TFRC: variants seen among roughly 807,000 people sequenced by gnomAD.
The protein encoded by TFRC is transferrin receptor.
TFRC carries 35 observed loss-of-function variants against 85.8 expected under a neutral mutation model. That is an observed-to-expected ratio of 0.41 (90% CI 0.31 to 0.54). TFRC has a LOEUF of 0.54. TFRC is among the 20% of genes least tolerant of loss of function. The probability of loss-of-function intolerance (pLI) is 0.31; values close to 1 mark genes in which losing one functional copy is unlikely to be tolerated. For missense variants in TFRC, 828 were observed against 921.5 expected (o/e 0.90, Z 1.31); for synonymous variants, 362 against 328.6 (o/e 1.10, Z -1.10).
chr3:196,067,791 C>T, intron 8 of TFRC, 134 bp from the exon 9 acceptor site: 1 of 1,000,194 alleles, frequency 1.0e-6, no homozygotes, highest in Admixed American at 2.9e-5. Context: ...AGTGGCTCTA[C>T]AATGTGACTC....
intron 13 of TFRC, among the ~76,000 whole-genome samples, chr3:196,062,014 A>G (rs1264236720): frequency 2.0e-5 from 3 of 152,204 alleles, no homozygotes; most frequent in Non-Finnish European, 4.4e-5. Flanking sequence ...CTGTAACCGC[A>G]GCATTTTGGG....
chr3:196,052,291 ACTT>A, intron 18 of TFRC, 107 bp from the exon 19 acceptor site: 71 of 883,324 alleles, frequency 8.0e-5, no homozygotes, highest in Non-Finnish European at 1.0e-4. Flanking sequence ...TGCCGATCAG[ACTT>A]TTTTTTTTTT....
At chr3:196,059,598 TTTTA>T (rs1006401978) in intron 14 of TFRC, among the ~76,000 whole-genome samples, 12 of 148,648 alleles carry the variant, frequency 8.1e-5, no homozygotes, top group Admixed American at 3.3e-4. Context: ...ATATTTTCTT[TTTTA>T]TTTATTTATT....
intron 18 of TFRC, among the ~76,000 whole-genome samples, chr3:196,052,518 G>A (rs1716417255): frequency 6.6e-6 from 1 of 151,958 alleles, no homozygotes; most frequent in Non-Finnish European, 1.5e-5. Flanking sequence ...TCAGCTCACT[G>A]CAACCTCCAC....
chr3:196,071,002 C>A (rs1317636594), intron 6 of TFRC, among the ~76,000 whole-genome samples: 2 of 151,938 alleles, frequency 1.3e-5, no homozygotes, highest in Non-Finnish European at 2.9e-5. Context: ...TAGGCCCCAG[C>A]CAAGATGGAT....
At chr3:196,065,293 C>T in intron 10 of TFRC, 150 bp downstream of exon 10, 1 of 397,390 alleles carries the variant, frequency 2.5e-6, no homozygotes, top group Non-Finnish European at 4.4e-6. Flanking sequence ...AACACATAAA[C>T]AATTAACTTT....
chr3:196,069,612 A>G (rs1304843608), intron 6 of TFRC, 44 bp from the exon 7 acceptor site: 2 of 1,235,032 alleles, frequency 1.6e-6, no homozygotes, highest in Non-Finnish European at 2.4e-6. Flanking sequence ...TGGTATCGGA[A>G]CAGCTCTAAA....
At position 196,071,250 on chromosome 3, in the gene TFRC, T is replaced by C. The variant is rs41301383; in HGVS notation, c.687+146A>G. On this transcript the variant is annotated intron_variant, in intron 6 of 18. Transcript: ENST00000360110. ...ATTAGAGAGAGAAGACAATGCATGTTGACTGTGTCATTAGAGGGTTGAAAA... is the reference window on the plus strand; with the variant it reads ...ATTAGAGAGAGAAGACAATGCATGTCGACTGTGTCATTAGAGGGTTGAAAA... 41 of 626,484 alleles carry C rather than the reference T, an allele frequency of 6.5e-5. 1 individual carries two copies. The Admixed American group carries it at 1.1e-3, about 17-fold the overall frequency. 38.8% of individuals were successfully genotyped at this position (626,484 alleles called of 1,614,324 possible).
intron 8 of TFRC, among the ~76,000 whole-genome samples, 181 bp from the exon 9 acceptor site, chr3:196,067,838 G>A (rs1160770619): frequency 1.3e-5 from 2 of 152,174 alleles, no homozygotes; most frequent in Admixed American, 6.5e-5. Context: ...CAAATTCAAG[G>A]CACTATTGAC....
At chr3:196,056,067 C>G (rs889448186) in intron 16 of TFRC, among the ~76,000 whole-genome samples, 1 of 152,132 alleles carries the variant, frequency 6.6e-6, no homozygotes, top group African/African-American at 2.4e-5. Context: ...GACGAGGTCA[C>G]TCTGTCACCC....
chr3:196,075,567 T>A (rs1718615713), intron 2 of TFRC, among the ~76,000 whole-genome samples: 1 of 138,162 alleles, frequency 7.2e-6, no homozygotes, highest in Non-Finnish European at 1.5e-5. Flanking sequence ...TTTTTGTAAA[T>A]TTTTTTTTTT....
chr3:196,076,972 T>C (rs1015849005), intron 2 of TFRC, 92 bp downstream of exon 2: 3 of 1,169,466 alleles, frequency 2.6e-6, no homozygotes, highest in Non-Finnish European at 1.3e-6. Flanking sequence ...TGATAATAGA[T>C]TGGGGTTATT....
chr3:196,061,496 G>A (rs1717279092), intron 13 of TFRC, among the ~76,000 whole-genome samples: 1 of 151,778 alleles, frequency 6.6e-6, no homozygotes, highest in African/African-American at 2.4e-5. Context: ...CAGTTTTTTT[G>A]TTTGTTTTTT....
At chr3:196,065,702 T>C in intron 9 of TFRC, 102 bp from the exon 10 acceptor site, 2 of 1,333,692 alleles carry the variant, frequency 1.5e-6, no homozygotes, top group Non-Finnish European at 2.0e-6. Context: ...TAAACAAAAC[T>C]TACTCTCAGC....
chr3:196,067,175 T>C (rs1365739470), intron 9 of TFRC, among the ~76,000 whole-genome samples: 5 of 152,256 alleles, frequency 3.3e-5, no homozygotes, highest in African/African-American at 7.2e-5. Context: ...TATCCCAATA[T>C]GAATTCTAAC....
intron 16 of TFRC, among the ~76,000 whole-genome samples, chr3:196,057,219 C>A (rs1248903525): frequency 6.6e-6 from 1 of 152,188 alleles, no homozygotes; most frequent in African/African-American, 2.4e-5. Context: ...GGTTAAAGAT[C>A]GAGCCCTGAC....
Position 196,055,225 on chromosome 3 carries a change from T to C in TFRC, c.1754A>G (p.Lys585Arg). 6.2e-7 allele frequency: 1 copy of C among 1,614,222 alleles called. No individual in the cohort carries two copies. The highest frequency in any genetic ancestry group is 8.5e-7 in the Non-Finnish European group (1 of 1,180,042). ...ELIERIPELN[K>R]VARAAAEVAG... ...GACCTCTGCAGCTGCTCGTGCCACT[T>C]TGTTCAACTCAGGAATCCTCTCAAT... Residue 585 changes from lysine to arginine, a missense_variant, in exon 17 of 19, where the codon AAA (lysine) becomes AGA (arginine). Lys to Arg is a conservative substitution (Grantham distance 26). Transcript: ENST00000360110.
Position 196,065,557 on chromosome 3 carries a change from T to G in TFRC, c.1084A>C (p.Thr362Pro), listed in dbSNP as rs756312991. 2 of 1,612,362 alleles carry G rather than the reference T, an allele frequency of 1.2e-6. No homozygotes were observed. Among genetic ancestry groups the G allele is most frequent in the African/African-American group, 2.7e-5 (2 of 74,808 alleles). The change falls in exon 10 of 19, where the codon ACA becomes CCA. Residue 362 changes from threonine (T) to proline (P), a missense_variant. By Grantham distance (38) the Thr-to-Pro change is conservative (BLOSUM62 -1). Transcript: ENST00000360110. ...CTTTCTGAGGTTACCATCCTACATG[T>G]AGAGTCTGTTTTCCAGTCAGAGGGA... The part of the protein sequence containing the change: ...DCPSDWKTDS[T>P]CRMVTSESKN...
At chr3:196,056,262 C>G (rs906273229) in intron 16 of TFRC, among the ~76,000 whole-genome samples, 1 of 152,206 alleles carries the variant, frequency 6.6e-6, no homozygotes, top group Non-Finnish European at 1.5e-5. Flanking sequence ...CTCCTGGCCT[C>G]AAGTGATCTG....
Sources: gnomAD v4.1 joint callset for allele counts (sites outside exome capture counted in the v4.1 genomes callset) on GRCh38, gnomAD v4.1.1 for gene constraint, MANE v1.5 for transcripts, NCBI Gene and HGNC (gene_info 2026-07-23, HGNC 2026-07-21) for gene names.